Variants in RTN4RL2 observed in about 807,000 individuals in gnomAD.
RTN4RL2 encodes reticulon 4 receptor like 2, also known as reticulon-4 receptor-like 2.
In RTN4RL2, 9 loss-of-function variants were observed where a neutral mutation model predicts 27.8. The ratio of observed to expected loss-of-function variants is 0.32; its 90% CI spans 0.20 to 0.57. The LOEUF is 0.57. Ranked by LOEUF, RTN4RL2 falls within the 20% of genes least tolerant of loss-of-function variation. The pLI is 0.90. For missense variants in RTN4RL2, 436 were observed against 596.8 expected (o/e 0.73, Z 2.81); for synonymous variants, 285 against 297.9 (o/e 0.96, Z 0.45).
chr11:57,475,314 C>CT (rs934649393), intron 2 of RTN4RL2, among the ~76,000 whole-genome samples: 2 of 152,092 alleles, frequency 1.3e-5, no homozygotes, highest in Non-Finnish European at 2.9e-5. Context: ...AACTAGGGCT[C>CT]TAAGTGCTGA....
rs1943537744 is a variant in RTN4RL2 at position 57,467,894 on chromosome 11, A to C, written c.317A>C (p.Gln106Pro). The change falls in exon 2 of 3, where the codon CAA (glutamine) becomes CCA (proline). Residue 106 changes from glutamine to proline, a missense_variant. Physicochemically the swap from Gln to Pro is moderately conservative, Grantham distance 76. This residue lies in a region of RTN4RL2 where 365 missense variants were observed against 530.5 expected (regional missense o/e 0.69). Coordinates refer to ENST00000335099, the MANE Select transcript of RTN4RL2 (RefSeq NM_178570.3). This position sits in a 1 kb window ranked among gnomAD's most constrained non-coding sequence, Gnocchi z 5.5. ...TACCCGGGCACTTTCCGCCACTTGC[A>C]AGCCCTGGAGGAGCTGGACCTCGGT... ...TIYPGTFRHL[Q>P]ALEELDLGDN... The C allele has an allele frequency of 1.2e-6, 2 of 1,614,026 alleles. No individual in the cohort carries two copies. Among genetic ancestry groups the C allele is most frequent in the Non-Finnish European group, 1.7e-6 (2 of 1,179,942 alleles).
intron 2 of RTN4RL2, among the ~76,000 whole-genome samples, chr11:57,474,802 C>T (rs1053584543): frequency 2.0e-4 from 30 of 152,302 alleles, no homozygotes; most frequent in African/African-American, 7.0e-4. Flanking sequence ...CCCCACTGGC[C>T]GTGGGCCACA....
chr11:57,461,549 A>G (rs1943485886), intron 1 of RTN4RL2, among the ~76,000 whole-genome samples: 1 of 149,948 alleles, frequency 6.7e-6, no homozygotes, highest in African/African-American at 2.5e-5. Flanking sequence ...GAGGGGGAGA[A>G]GGAATAAAGG....
At position 57,467,935 on chromosome 11, in the gene RTN4RL2, C is replaced by A. The variant is rs753086077; in HGVS notation, c.358C>A (p.Arg120Ser). 1.7e-5 allele frequency: 27 copies of A among 1,613,406 alleles called. No individual in the cohort carries two copies. The highest frequency in any genetic ancestry group is 2.2e-5 in the Non-Finnish European group (26 of 1,179,962). The change falls in exon 2 of 3, where the codon CGC becomes AGC. Residue 120 changes from arginine (R) to serine (S), a missense_variant. Coordinates refer to ENST00000335099, the MANE Select transcript of RTN4RL2 (RefSeq NM_178570.3). This position sits in a 1 kb window ranked among gnomAD's most constrained non-coding sequence, Gnocchi z 5.5. Reference protein sequence around the residue: ...ELDLGDNRHLRSLEPDTFQGL... With the variant: ...ELDLGDNRHLSSLEPDTFQGL... ...GGACCTCGGTGACAACCGGCACCTG[C>A]GCTCGCTGGAGCCCGACACCTTCCA... is the stretch of plus-strand genomic sequence containing the variant.
chr11:57,470,570 T>C (rs1943556471), intron 2 of RTN4RL2, among the ~76,000 whole-genome samples: 1 of 151,956 alleles, frequency 6.6e-6, no homozygotes, highest in South Asian at 2.1e-4. Context: ...ATTTAAGAAG[T>C]TTTGTAAGGA....
In RTN4RL2 at chr11:57,477,114, G is replaced by C. The variant is rs1943603490; in HGVS notation, c.*203G>C. 2.0e-6 allele frequency: 1 copy of C among 509,284 alleles called. No individual in the cohort carries two copies. Among genetic ancestry groups the C allele is most frequent in the South Asian group, 3.1e-5 (1 of 32,770 alleles). The allele number at this position is 509,284 out of a possible 1,614,324, so 31.5% of individuals were successfully genotyped here. ...TGACTTGTGGCAGCCCCAAGAGGGC[G>C]TGTGTGGTGGCTCAGCCCTGCCCTC... On this transcript the variant is annotated 3_prime_UTR_variant, in exon 3 of 3. Coordinates refer to ENST00000335099, the MANE Select transcript of RTN4RL2 (RefSeq NM_178570.3).
intron 1 of RTN4RL2, among the ~76,000 whole-genome samples, chr11:57,464,740 C>T (rs1263141968): frequency 6.6e-6 from 1 of 152,172 alleles, no homozygotes; most frequent in Non-Finnish European, 1.5e-5. Flanking sequence ...AAGCCCCAAA[C>T]CTCAACCCTC....
Position 57,467,030 on chromosome 11 carries a change from G to C in RTN4RL2, c.32-579G>C, listed in dbSNP as rs1254090475. ...GGTCAAACATGCAATAGTGAAAACA[G>C]GAATGAAGAGATGATCATTCTTCAA... On this transcript the variant is annotated intron_variant, in intron 1 of 2. Transcript: ENST00000335099. This position sits in a 1 kb window ranked among gnomAD's most constrained non-coding sequence, Gnocchi z 5.5. 3.3e-5 allele frequency among the ~76,000 whole-genome samples: 5 copies of C among 152,218 alleles called. No homozygotes were observed. The highest frequency in any genetic ancestry group is 3.3e-4 in the Admixed American group (5 of 15,286).
chr11:57,470,888 T>C (rs912731548), intron 2 of RTN4RL2, among the ~76,000 whole-genome samples: 8 of 152,066 alleles, frequency 5.3e-5, no homozygotes, highest in Non-Finnish European at 1.5e-5. Context: ...ATAATGAAAA[T>C]AATACCTTCC....
At chr11:57,470,274 G>A (rs898835527) in intron 2 of RTN4RL2, among the ~76,000 whole-genome samples, 1 of 151,724 alleles carries the variant, frequency 6.6e-6, no homozygotes, top group Non-Finnish European at 1.5e-5. Context: ...TTGAGACGAC[G>A]TCCCACTCTA....
chr11:57,464,151 G>A (rs1270823477), intron 1 of RTN4RL2, among the ~76,000 whole-genome samples: 1 of 152,310 alleles, frequency 6.6e-6, no homozygotes, highest in East Asian at 1.9e-4. Flanking sequence ...GCCCTGGTTG[G>A]GGGAGACATG....
intron 2 of RTN4RL2, among the ~76,000 whole-genome samples, chr11:57,471,258 G>C (rs1202480597): frequency 6.4e-5 from 8 of 124,536 alleles, no homozygotes; most frequent in African/African-American, 2.3e-4. Flanking sequence ...AAAAAAAAAA[G>C]CCCATAGTTC....
intron 1 of RTN4RL2, among the ~76,000 whole-genome samples, 198 bp downstream of exon 1, chr11:57,461,094 G>T (rs1943480730): frequency 6.6e-6 from 1 of 152,182 alleles, no homozygotes; most frequent in African/African-American, 2.4e-5. Flanking sequence ...CCGCGGGCGC[G>T]TGCGAGGAGC....
intron 1 of RTN4RL2, among the ~76,000 whole-genome samples, chr11:57,461,268 C>T (rs1257466214): frequency 6.6e-6 from 1 of 152,164 alleles, no homozygotes; most frequent in Non-Finnish European, 1.5e-5. Context: ...TGCCTCAGCA[C>T]TTTCTGGCCA....
At chr11:57,472,208 GTTTT>G (rs200823859) in intron 2 of RTN4RL2, among the ~76,000 whole-genome samples, 3 of 59,578 alleles carry the variant, frequency 5.0e-5, no homozygotes, top group East Asian at 1.7e-3. Context: ...GTTTTTGTTT[GTTTT>G]GTTTTGTTTT....
At chr11:57,473,815 G>A (rs1336212131) in intron 2 of RTN4RL2, among the ~76,000 whole-genome samples, 1 of 152,038 alleles carries the variant, frequency 6.6e-6, no homozygotes, top group Admixed American at 6.6e-5. Context: ...CAAAAGGAGA[G>A]GAGAGGAGGT....
At chr11:57,469,003 G>C in intron 2 of RTN4RL2, 1 of 634,066 alleles carries the variant, frequency 1.6e-6, no homozygotes, top group Non-Finnish European at 2.8e-6. Flanking sequence ...CAGAGCCTCC[G>C]GCTGGAAGGG....
chr11:57,460,878 C>G lies in RTN4RL2; in HGVS notation c.13C>G (p.Leu5Val), dbSNP rs1943478252. The change falls in exon 1 of 3, where the codon CTC becomes GTC. Residue 5 changes from leucine to valine, a missense_variant. Leu to Val is a conservative substitution (Grantham distance 32). This residue lies in a region of RTN4RL2 where 365 missense variants were observed against 530.5 expected (regional missense o/e 0.69). Coordinates refer to ENST00000335099, the MANE Select transcript of RTN4RL2 (RefSeq NM_178570.3). MLPG[L>V]RRLLQAPASA... The stretch of plus-strand genomic sequence containing the variant: ...GCATCGAGACAAGATGCTGCCCGGG[C>G]TCAGGCGCCTGCTGCAAGGTAAGAA... The G allele has an allele frequency of 1.4e-6, 2 of 1,407,724 alleles. No homozygotes were observed. The highest frequency in any genetic ancestry group is 1.9e-6 in the Non-Finnish European group (2 of 1,067,096). The allele number at this position is 1,407,724 out of a possible 1,614,324, so 87.2% of individuals were successfully genotyped here. A position where few individuals can be genotyped will look rare whatever the true frequency, so the allele number is the denominator to read the frequency against.
chr11:57,471,005 G>A lies in RTN4RL2; in HGVS notation c.513+2915G>A, dbSNP rs1347589549. 2.0e-5 allele frequency among the ~76,000 whole-genome samples: 3 copies of A among 152,054 alleles called. 1 individual carries two copies. Among genetic ancestry groups the A allele is most frequent in the Admixed American group, 2.0e-4 (3 of 15,274 alleles). On this transcript the variant is annotated intron_variant, in intron 2 of 2. Transcript: ENST00000335099. ...AATCCCAGCACTTCGGGAGGCCAAG[G>A]TGGGTGGATCACTTGAAGTCAGGAG...
Sources: allele counts gnomAD v4.1 joint callset (sites outside exome capture counted in the v4.1 genomes callset), GRCh38; gene constraint gnomAD v4.1.1; regional missense constraint gnomAD v4.1.1; non-coding constraint Gnocchi (gnomAD v3.1); transcripts MANE v1.5; gene names NCBI Gene and HGNC (gene_info 2026-07-23, HGNC 2026-07-21).